Variants in PRSS22 observed in about 807,000 individuals in gnomAD.
PRSS22 encodes brain-specific serine protease 4.
A neutral mutation model predicts 28.0 loss-of-function variants in PRSS22; 26 were observed. The observed-to-expected ratio is 0.93, with a 90% CI of 0.68 to 1.29. The LOEUF (loss-of-function observed/expected upper bound fraction) is 1.29, where lower values mean the gene tolerates loss of function less well. Among genes scored for constraint, PRSS22 ranks in the 50% most tolerant of loss-of-function variants. The probability of loss-of-function intolerance (pLI) is 0.00; values close to 1 mark genes in which losing one functional copy is unlikely to be tolerated. For missense variants in PRSS22, 444 were observed against 422.1 expected (o/e 1.05, Z -0.46); for synonymous variants, 217 against 177.9 (o/e 1.22, Z -1.75).
At chr16:2,857,025 G>C in intron 1 of PRSS22, 177 bp from the exon 2 acceptor site, 1 of 714,250 alleles carries the variant, frequency 1.4e-6, no homozygotes. Context: ...CCAGTGAGGA[G>C]GGGTCCCAGC....
At chr16:2,855,893 GGGA>G (rs2069451079) in intron 3 of PRSS22, 42 bp from the exon 4 acceptor site, 1 of 1,587,902 alleles carries the variant, frequency 6.3e-7, no homozygotes, top group African/African-American at 1.3e-5. Context: ...GGCCTGGTCT[GGGA>G]GGAGGTACCT....
intron 1 of PRSS22, chr16:2,857,745 G>C (rs1450429947): frequency 3.0e-6 from 1 of 331,012 alleles, no homozygotes; most frequent in African/African-American, 2.1e-5. Context: ...AGCGGAGGAC[G>C]AGGAGATGGG....
In PRSS22 at chr16:2,854,463, A is replaced by T. The variant is rs556402793; in HGVS notation, c.560-441T>A. On this transcript the variant is annotated intron_variant, in intron 4 of 5. Coordinates refer to ENST00000161006, the MANE Select transcript of PRSS22 (RefSeq NM_022119.4). Reference sequence around the variant, plus strand: ...TTGTGGACTGAAAGTCCGCGATTCTAGCTCTTGAAGAAGCCCCTACAGAGA... The same window carrying T: ...TTGTGGACTGAAAGTCCGCGATTCTTGCTCTTGAAGAAGCCCCTACAGAGA... The T allele has an allele frequency of 5.7e-5, 10 of 174,954 alleles. No homozygotes were observed. The South Asian group carries it at 1.3e-3, about 24-fold the overall frequency. The allele number at this position is 174,954 out of a possible 1,614,324, so 10.8% of individuals were successfully genotyped here.
intron 1 of PRSS22, chr16:2,857,212 CTCCCCA>C (rs2069467800): frequency 9.3e-5 from 9 of 97,270 alleles, no homozygotes; most frequent in Admixed American, 1.4e-4. Flanking sequence ...GTGAGGAGGG[CTCCCCA>C]GCGCCTAGTG....
At chr16:2,856,356 T>A in intron 2 of PRSS22, 103 bp from the exon 3 acceptor site, 1 of 1,174,348 alleles carries the variant, frequency 8.5e-7, no homozygotes, top group Non-Finnish European at 1.2e-6. Context: ...CAGCCCAAGC[T>A]CCGTTCATGT....
intron 1 of PRSS22, chr16:2,857,120 C>T: frequency 1.8e-6 from 1 of 555,982 alleles, no homozygotes; most frequent in Non-Finnish European, 3.2e-6. Flanking sequence ...CAGCGAGAAG[C>T]CCCCAGCACC....
intron 3 of PRSS22, 71 bp from the exon 4 acceptor site, chr16:2,855,922 G>T: frequency 1.9e-6 from 3 of 1,547,826 alleles, no homozygotes; most frequent in Admixed American, 1.9e-5. Flanking sequence ...AACAGCATGG[G>T]TGTGAAGGCC....
chr16:2,854,415 G>C (rs1001326724), intron 4 of PRSS22: 38 of 196,952 alleles, frequency 1.9e-4, no homozygotes, highest in African/African-American at 7.8e-4. Flanking sequence ...CCTGGAGCTG[G>C]TCTACAGACT....
chr16:2,855,693 A>G lies in PRSS22; in HGVS notation c.440T>C (p.Leu147Pro), dbSNP rs1241742700. ...GACADIALVR[L>P]ERSIQFSERV... Reference sequence around the variant, plus strand: ...CTCTGAGAACTGTATGGAGCGCTCGAGACGCACCAGGGCAATGTCTGCACA... The same window carrying G: ...CTCTGAGAACTGTATGGAGCGCTCGGGACGCACCAGGGCAATGTCTGCACA... Residue 147 changes from leucine to proline, a missense_variant, in exon 4 of 6, where the codon CTC (leucine) becomes CCC (proline). Physicochemically the swap from Leu to Pro is moderately conservative, Grantham distance 98. Transcript: ENST00000161006. The G allele has an allele frequency of 1.2e-6, 2 of 1,614,108 alleles. No homozygotes were observed. The highest frequency in any genetic ancestry group is 2.7e-5 in the African/African-American group (2 of 74,936).
At position 2,858,105 on chromosome 16, in the gene PRSS22, G is replaced by A; in HGVS notation, c.-1C>T. On this transcript the variant is annotated 5_prime_UTR_variant, in exon 1 of 6. Transcript: ENST00000161006. Reference sequence around the variant, plus strand: ...CTGGGGGCGCTCCAGAAACCACCATGGCTGGTGGGGCGGGGGAGCAGGCAG... The same window carrying A: ...CTGGGGGCGCTCCAGAAACCACCATAGCTGGTGGGGCGGGGGAGCAGGCAG... 4 of 1,262,746 alleles carry A rather than the reference G, an allele frequency of 3.2e-6. No individual in the cohort carries two copies. The highest frequency in any genetic ancestry group is 4.0e-6 in the Non-Finnish European group (4 of 996,348). 78.2% of individuals were successfully genotyped at this position (1,262,746 alleles called of 1,614,324 possible). A position where few individuals can be genotyped will look rare whatever the true frequency, so the allele number is the denominator to read the frequency against.
chr16:2,852,869 GA>G lies in PRSS22; in HGVS notation c.*223del. 1.9e-6 allele frequency: 1 copy of G among 536,138 alleles called. No individual in the cohort carries two copies. The allele number at this position is 536,138 out of a possible 1,614,324, so 33.2% of individuals were successfully genotyped here. On this transcript the variant is annotated 3_prime_UTR_variant, in exon 6 of 6. Coordinates refer to ENST00000161006, the MANE Select transcript of PRSS22 (RefSeq NM_022119.4). Reference sequence around the variant, plus strand: ...CGGGGCCGGAAGTCGTGGGGGCGGGGACATGAGGCCGTTGGGCGGGGCCTGA... The same window carrying G: ...CGGGGCCGGAAGTCGTGGGGGCGGGGCATGAGGCCGTTGGGCGGGGCCTGA...
chr16:2,855,908 G>A, intron 3 of PRSS22, 57 bp from the exon 4 acceptor site: 1 of 1,570,942 alleles, frequency 6.4e-7, no homozygotes, highest in African/African-American at 1.3e-5. Flanking sequence ...GAGGTACCTG[G>A]GGGAACAGCA....
chr16:2,857,235 GTTCCCCA>G (rs2069468449), intron 1 of PRSS22: 1 of 174,424 alleles, frequency 5.7e-6, no homozygotes, highest in South Asian at 4.0e-5. Context: ...AGTGAGGAGG[GTTCCCCA>G]GCGCCCAGTG....
chr16:2,857,325 A>AGGAGGGGT lies in PRSS22; in HGVS notation c.83-478_83-477insACCCCTCC, dbSNP rs1349515412. ...GAGGAGGGGTCCCCAGCGCCCAGTG[A>AGGAGGGGT]CGAGGGGGTCCCAGCGCTCAGTGAG... On this transcript the variant is annotated intron_variant, in intron 1 of 5. Coordinates refer to ENST00000161006, the MANE Select transcript of PRSS22 (RefSeq NM_022119.4). Among the ~76,000 whole-genome samples the AGGAGGGGT allele has an allele frequency of 5.4e-4, 62 of 113,916 alleles. 4 individuals carry two copies. The highest frequency in any genetic ancestry group is 1.8e-3 in the African/African-American group (49 of 27,538). The allele number at this position is 113,916 out of a possible 152,430, so 74.7% of individuals were successfully genotyped here.
rs1459810451 is a variant in PRSS22 at position 2,857,977 on chromosome 16, A to G, written c.82+46T>C. 12 of 1,232,984 alleles carry G rather than the reference A, an allele frequency of 9.7e-6. No homozygotes were observed. In the Admixed American group the frequency reaches 2.4e-4, roughly 25 times the overall value. The allele number at this position is 1,232,984 out of a possible 1,614,324, so 76.4% of individuals were successfully genotyped here. ...GAGGGAGGGAGGGAAGGAGGGAAGG[A>G]GGGTGGAGGTGAGAGGGAGGAGGGA... On this transcript the variant is annotated intron_variant, in intron 1 of 5. Transcript: ENST00000161006.
At position 2,853,450 on chromosome 16, in the gene PRSS22, G is replaced by A. The variant is rs1048082599; in HGVS notation, c.718-121C>T. On this transcript the variant is annotated intron_variant, in intron 5 of 5. Transcript: ENST00000161006. The surrounding 1 kb of genome is among the most constrained non-coding windows in gnomAD (Gnocchi z 4.6). Reference sequence around the variant, plus strand: ...GGGAGCCCGTTTCTCCTTCCTGGAGGAGACAGGACCTGAGCTCCACCCAGG... The same window carrying A: ...GGGAGCCCGTTTCTCCTTCCTGGAGAAGACAGGACCTGAGCTCCACCCAGG... 10 of 809,282 alleles carry A rather than the reference G, an allele frequency of 1.2e-5. No homozygotes were observed. In the East Asian group the frequency reaches 2.4e-4, roughly 19 times the overall value. 50.1% of individuals were successfully genotyped at this position (809,282 alleles called of 1,614,324 possible). A position where few individuals can be genotyped will look rare whatever the true frequency, so the allele number is the denominator to read the frequency against.
At chr16:2,856,989 A>G (rs911607817) in intron 1 of PRSS22, 141 bp from the exon 2 acceptor site, 24 of 980,424 alleles carry the variant, frequency 2.4e-5, no homozygotes, top group Admixed American at 1.8e-4. Flanking sequence ...AGGTCCCAGC[A>G]CCCAGTGAGG....
chr16:2,855,635 A>G lies in PRSS22; in HGVS notation c.498T>C (p.Ser166=). 5 of 1,614,154 alleles carry G rather than the reference A, an allele frequency of 3.1e-6. No individual in the cohort carries two copies. Among genetic ancestry groups the G allele is most frequent in the Non-Finnish European group, 4.2e-6 (5 of 1,180,026 alleles). The change falls in exon 4 of 6, where the codon TCT becomes TCC. Residue 166 remains serine (S), a synonymous_variant. Transcript: ENST00000161006. ...AGTGGGTGTTTGGAGGGAGGTGGATAGAGGCATCAGGTAGGCAGATGGGCA... is the reference window on the plus strand; with the variant it reads ...AGTGGGTGTTTGGAGGGAGGTGGATGGAGGCATCAGGTAGGCAGATGGGCA... The part of the protein sequence containing the change: ...RVLPICLPDA[S]IHLPPNTHCW...
intron 4 of PRSS22, 68 bp from the exon 5 acceptor site, chr16:2,854,090 T>TC (rs1353713634): frequency 3.1e-5 from 49 of 1,561,990 alleles, no homozygotes; most frequent in South Asian, 6.8e-5. Context: ...AAAGGACTAT[T>TC]CCCCCCCAAC....
Sources: gnomAD v4.1 joint callset for allele counts (sites outside exome capture counted in the v4.1 genomes callset) on GRCh38, gnomAD v4.1.1 for gene constraint, Gnocchi (gnomAD v3.1) non-coding constraint, MANE v1.5 for transcripts, NCBI Gene and HGNC (gene_info 2026-07-23, HGNC 2026-07-21) for gene names.